The following USP31 variants were observed in gnomAD, a reference collection of about 807,000 sequenced individuals.
The protein encoded by USP31 is ubiquitin specific peptidase 31.
Under a neutral mutation model 119.4 loss-of-function variants are expected in USP31, and 44 were observed. The observed-to-expected ratio is 0.37, with a 90% CI of 0.29 to 0.47. The LOEUF is 0.47. Ranked by LOEUF, USP31 falls within the 20% of genes least tolerant of loss-of-function variation. The probability of loss-of-function intolerance (pLI) is 0.99; values close to 1 mark genes in which losing one functional copy is unlikely to be tolerated. For missense variants in USP31, 1,643 were observed against 1,730.2 expected, an observed-to-expected ratio of 0.95 and a Z score of 0.89; for synonymous variants, 749 against 705.6, an observed-to-expected ratio of 1.06 and a Z score of -0.97.
chr16:23,088,175 G>A (rs1266842008), intron 7 of USP31, among the ~76,000 whole-genome samples: 1 of 152,124 alleles, frequency 6.6e-6, no homozygotes, highest in East Asian at 1.9e-4. Context: ...CTCATAAGAG[G>A]TTGGGTGCCA....
rs77957252 is a variant in USP31 at position 23,143,823 on chromosome 16, C to T, written c.633+4815G>A. 8.6e-3 allele frequency among the ~76,000 whole-genome samples: 1,304 copies of T among 152,148 alleles called. 22 individuals are homozygous for T. Among genetic ancestry groups the T allele is most frequent in the African/African-American group, 0.029 (1,212 of 41,492 alleles). On this transcript the variant is annotated intron_variant, in intron 1 of 15. Coordinates refer to ENST00000219689, the MANE Select transcript of USP31 (RefSeq NM_020718.4). Reference sequence around the variant, plus strand: ...TCTACCACCACATGCCAGTAGCACCCTGATCCCAGCTGTGACAACCAAGTA... The same window carrying T: ...TCTACCACCACATGCCAGTAGCACCTTGATCCCAGCTGTGACAACCAAGTA...
At position 23,105,531 on chromosome 16, in the gene USP31, G is replaced by A. The variant is rs776790292; in HGVS notation, c.999C>T (p.Cys333=). 7.4e-6 allele frequency: 12 copies of A among 1,614,002 alleles called. No individual in the cohort carries two copies. The African/African-American group carries it at 1.6e-4, about 22-fold the overall frequency. ...GAGGTACGGCCACACCAATCCTCAT[G>A]CAGTGAGAACATTTGCCTTGATACA... The part of the protein sequence containing the change: ...TVVYQGKCSH[C]MRIGVAVPLS... Residue 333 remains cysteine, a synonymous_variant, in exon 5 of 16, where the codon TGC becomes TGT. Transcript: ENST00000219689.
chr16:23,099,309 T>C (rs1225388599), intron 6 of USP31, among the ~76,000 whole-genome samples: 1 of 152,118 alleles, frequency 6.6e-6, no homozygotes, highest in Non-Finnish European at 1.5e-5. Context: ...CATTAAAAAG[T>C]CAGGAAACAA....
Position 23,064,775 on chromosome 16 carries a change from C to T in USP31, c.*3271G>A, listed in dbSNP as rs1345168825. Reference sequence around the variant, plus strand: ...CCTCAGCTACAGCAAATCCCTGAAGCTTTCAGTTTTGCCTCTGTGCTCAAA... The same window carrying T: ...CCTCAGCTACAGCAAATCCCTGAAGTTTTCAGTTTTGCCTCTGTGCTCAAA... On this transcript the variant is annotated 3_prime_UTR_variant, in exon 16 of 16. Coordinates refer to ENST00000219689, the MANE Select transcript of USP31 (RefSeq NM_020718.4). The T allele has an allele frequency of 2.0e-5, 3 of 152,196 alleles. No individual in the cohort carries two copies. Among genetic ancestry groups the T allele is most frequent in the Non-Finnish European group, 4.4e-5 (3 of 68,044 alleles). The allele number at this position is 152,196 out of a possible 1,614,324, so 9.4% of individuals were successfully genotyped here.
Position 23,073,058 on chromosome 16 carries a change from C to T in USP31, c.2335+664G>A, listed in dbSNP as rs899200120. On this transcript the variant is annotated intron_variant, in intron 14 of 15. Coordinates refer to ENST00000219689, the MANE Select transcript of USP31 (RefSeq NM_020718.4). ...TCTGTCACGCTCTCTTGAAGTCAAA[C>T]TCTGCATTCAGAAACGTGTGTCCAC... Among the ~76,000 whole-genome samples, 3 of 152,150 alleles carry T rather than the reference C, an allele frequency of 2.0e-5. No homozygotes were observed. The East Asian group carries it at 5.8e-4, about 29-fold the overall frequency.
chr16:23,120,870 G>A (rs1386006599), intron 1 of USP31, among the ~76,000 whole-genome samples: 2 of 152,004 alleles, frequency 1.3e-5, no homozygotes, highest in East Asian at 3.9e-4. Context: ...ATGAGATAAG[G>A]CCTTGAACTA....
chr16:23,065,340 GAAAA>G lies in USP31; in HGVS notation c.*2702_*2705del, dbSNP rs1900023047. On this transcript the variant is annotated 3_prime_UTR_variant, in exon 16 of 16. Coordinates refer to ENST00000219689, the MANE Select transcript of USP31 (RefSeq NM_020718.4). Reference sequence around the variant, plus strand: ...GGAAAATTAAAAAAAAAAAAAAAAAGAAAAGAAAGAAAGAAACCAACACCAAGTC... The same window carrying G: ...GGAAAATTAAAAAAAAAAAAAAAAAGGAAAGAAAGAAACCAACACCAAGTC... The G allele has an allele frequency of 2.3e-5, 3 of 132,508 alleles. No individual in the cohort carries two copies. Among genetic ancestry groups the G allele is most frequent in the Non-Finnish European group, 5.0e-5 (3 of 60,308 alleles). 8.2% of individuals were successfully genotyped at this position (132,508 alleles called of 1,614,324 possible).
rs1901170817 is a variant in USP31 at position 23,087,720 on chromosome 16, A to C, written c.1527+4T>G. On this transcript the variant is annotated splice_donor_region_variant and intron_variant, in intron 8 of 15. Transcript: ENST00000219689. ...TATGCTGGAATATCAAAATGCTTAC[A>C]AACCTGAATGCAAACCGTGGGCCTC... 3.1e-6 allele frequency: 5 copies of C among 1,613,788 alleles called. No individual in the cohort carries two copies. The highest frequency in any genetic ancestry group is 4.2e-6 in the Non-Finnish European group (5 of 1,179,714).
chr16:23,134,686 AAAAAG>A (rs1362748669), intron 1 of USP31, among the ~76,000 whole-genome samples: 4 of 151,758 alleles, frequency 2.6e-5, no homozygotes, highest in African/African-American at 4.8e-5. Flanking sequence ...AAAAAAAAAA[AAAAAG>A]AAAGAAAGAA....
At chr16:23,088,980 T>C (rs1447362823) in intron 7 of USP31, among the ~76,000 whole-genome samples, 2 of 152,228 alleles carry the variant, frequency 1.3e-5, no homozygotes, top group Non-Finnish European at 2.9e-5. Flanking sequence ...ACAGTGGTGC[T>C]TAACAGTGAA....
chr16:23,081,944 A>G lies in USP31; in HGVS notation c.1950+494T>C, dbSNP rs181533627. Among the ~76,000 whole-genome samples, 5 of 152,300 alleles carry G rather than the reference A, an allele frequency of 3.3e-5. No individual in the cohort carries two copies. The East Asian group carries it at 9.6e-4, about 29-fold the overall frequency. ...GTCCGCTAATGTTTACTTCCCATTT[A>G]CCTCTTACAATGAGACTGTCTAGAC... On this transcript the variant is annotated intron_variant, in intron 12 of 15. Coordinates refer to ENST00000219689, the MANE Select transcript of USP31 (RefSeq NM_020718.4).
In USP31 at chr16:23,108,102, G is replaced by A. The variant is rs1902183414; in HGVS notation, c.715C>T (p.Arg239Ter). 3.7e-6 allele frequency: 6 copies of A among 1,613,960 alleles called. No individual in the cohort carries two copies. Among genetic ancestry groups the A allele is most frequent in the East Asian group, 2.2e-5 (1 of 44,860 alleles). Residue 239 changes from arginine to a stop codon, truncating the protein, a stop_gained, in exon 2 of 16, where the codon CGA becomes TGA. Transcript: ENST00000219689. LOFTEE classifies it high-confidence loss of function. ...GAATGGTTGAGGTCTTCATGAACTC[G>A]GTCCAAAAGCCACAGCAGAAACTCC... is the stretch of plus-strand genomic sequence containing the variant. ...AQEFLLWLLD[R>*]VHEDLNHSVK...
rs568923812 is a variant in USP31 at position 23,063,961 on chromosome 16, T to C, written c.*4085A>G. ...AACCACTGGATTTCTCCCCAAACCA[T>C]GTAGTAGAGTTTAACAATAATGTAC... On this transcript the variant is annotated 3_prime_UTR_variant, in exon 16 of 16. Coordinates refer to ENST00000219689, the MANE Select transcript of USP31 (RefSeq NM_020718.4). 1.3e-5 allele frequency: 2 copies of C among 152,612 alleles called. No homozygotes were observed. Among genetic ancestry groups the C allele is most frequent in the African/African-American group, 4.8e-5 (2 of 41,552 alleles). 9.5% of individuals were successfully genotyped at this position (152,612 alleles called of 1,614,324 possible). A position where few individuals can be genotyped will look rare whatever the true frequency, so the allele number is the denominator to read the frequency against.
intron 12 of USP31, among the ~76,000 whole-genome samples, chr16:23,081,517 C>G (rs923662780): frequency 6.6e-6 from 1 of 152,354 alleles, no homozygotes; most frequent in Non-Finnish European, 1.5e-5. Flanking sequence ...GCAGCCCACC[C>G]TGGATGAAGG....
intron 5 of USP31, among the ~76,000 whole-genome samples, chr16:23,104,736 C>T (rs748444624): frequency 1.2e-4 from 19 of 152,136 alleles, no homozygotes; most frequent in African/African-American, 4.3e-4. Flanking sequence ...AATTTAGCTA[C>T]GGAGTCATCT....
At chr16:23,144,701 G>A (rs900876620) in intron 1 of USP31, among the ~76,000 whole-genome samples, 1 of 151,962 alleles carries the variant, frequency 6.6e-6, no homozygotes, top group African/African-American at 2.4e-5. Context: ...AGGCTGGTCT[G>A]GAACTATTGG....
chr16:23,069,885 G>C (rs1900275470), intron 15 of USP31, among the ~76,000 whole-genome samples: 1 of 152,206 alleles, frequency 6.6e-6, no homozygotes, highest in Admixed American at 6.5e-5. Context: ...TCAGGGCTCG[G>C]TATAACTTTT....
chr16:23,099,985 C>T (rs947997609), intron 6 of USP31, among the ~76,000 whole-genome samples: 2 of 152,200 alleles, frequency 1.3e-5, no homozygotes, highest in Non-Finnish European at 2.9e-5. Context: ...GATACCACTT[C>T]ATACCCACTA....
chr16:23,072,456 T>C (rs1192900682), intron 14 of USP31: 1 of 600,248 alleles, frequency 1.7e-6, no homozygotes, highest in Non-Finnish European at 3.0e-6. Context: ...GAATACTTTA[T>C]AATGTAAGTC....
Sources: allele counts gnomAD v4.1 joint callset (sites outside exome capture counted in the v4.1 genomes callset), GRCh38; gene constraint gnomAD v4.1.1; transcripts MANE v1.5; gene names NCBI Gene and HGNC (gene_info 2026-07-23, HGNC 2026-07-21).